LINGO2: variants seen among roughly 807,000 people sequenced by gnomAD.
LINGO2 encodes leucine rich repeat and Ig domain containing 2, also known as leucine-rich repeat and immunoglobulin-like domain-containing nogo receptor-interacting protein 2.
A neutral mutation model predicts 30.6 loss-of-function variants in LINGO2; 14 were observed. That is an observed-to-expected ratio of 0.46 (90% confidence interval 0.30 to 0.72). LINGO2 has a LOEUF of 0.72. Ranked by LOEUF, LINGO2 falls within the 30% of genes least tolerant of loss-of-function variation. The pLI, the probability that LINGO2 is intolerant of heterozygous loss-of-function variation, is 0.07. For missense variants in LINGO2, 729 were observed against 751.7 expected (o/e 0.97, Z 0.35); for synonymous variants, 317 against 288.5 (o/e 1.10, Z -1.00).
chr9:28,650,602 T>A (rs1828052584), intron 1 of LINGO2, among the ~76,000 whole-genome samples: 1 of 152,162 alleles, frequency 6.6e-6, no homozygotes, highest in African/African-American at 2.4e-5. Flanking sequence ...TCTTTGTGCT[T>A]CTGACCTCTC....
chr9:28,791,026 T>C, the LINGO2 span, among the ~76,000 whole-genome samples: 2 of 152,242 alleles, frequency 1.3e-5, no homozygotes, highest in South Asian at 4.1e-4. Flanking sequence ...TTTTAAAACA[T>C]TATTTGAGAA....
At chr9:28,629,421 C>T (rs1225658892) in intron 1 of LINGO2, among the ~76,000 whole-genome samples, 1 of 151,958 alleles carries the variant, frequency 6.6e-6, no homozygotes, top group African/African-American at 2.4e-5. Context: ...CCTCTTGTTT[C>T]CCCCAAAAAC....
intron 4 of LINGO2, among the ~76,000 whole-genome samples, chr9:28,218,774 C>T (rs1480207861): frequency 2.0e-5 from 3 of 152,144 alleles, no homozygotes; most frequent in Non-Finnish European, 4.4e-5. Flanking sequence ...CTGCCCTGGG[C>T]ATTGGGTGAA....
intron 4 of LINGO2, among the ~76,000 whole-genome samples, chr9:28,120,100 T>G (rs1166576412): frequency 1.3e-5 from 2 of 152,150 alleles, no homozygotes; most frequent in Non-Finnish European, 2.9e-5. Context: ...ACAAGTAAAT[T>G]TCCTCTAAAA....
intron 4 of LINGO2, among the ~76,000 whole-genome samples, chr9:28,251,605 G>A (rs1316239997): frequency 6.6e-6 from 1 of 150,720 alleles, no homozygotes; most frequent in Middle Eastern, 3.2e-3. Flanking sequence ...GTCTGTGGTG[G>A]GCATCACATT....
intron 5 of LINGO2, among the ~76,000 whole-genome samples, chr9:28,010,661 A>G (rs934797620): frequency 6.6e-6 from 1 of 152,204 alleles, no homozygotes; most frequent in Admixed American, 6.5e-5. Flanking sequence ...TTTTAAAATC[A>G]ATCAAGGCTG....
intron 4 of LINGO2, among the ~76,000 whole-genome samples, chr9:28,065,233 A>G (rs1490585681): frequency 6.6e-6 from 1 of 151,862 alleles, no homozygotes; most frequent in African/African-American, 2.4e-5. Flanking sequence ...AAGATCAATC[A>G]ATTTTTATAA....
chr9:27,982,227 C>A (rs566246056), intron 5 of LINGO2, among the ~76,000 whole-genome samples: 2 of 151,904 alleles, frequency 1.3e-5, no homozygotes, highest in African/African-American at 4.8e-5. Flanking sequence ...GGGACCCTTT[C>A]CCCAAATGGA....
the LINGO2 span, among the ~76,000 whole-genome samples, chr9:28,856,116 C>T: frequency 6.6e-6 from 1 of 151,864 alleles, no homozygotes; most frequent in Non-Finnish European, 1.5e-5. Context: ...ACAGTTGCTT[C>T]AACGAATAGG....
chr9:29,106,867 A>T, the LINGO2 span, among the ~76,000 whole-genome samples: 3 of 152,288 alleles, frequency 2.0e-5, no homozygotes, highest in East Asian at 5.8e-4. Flanking sequence ...TGATGGATAC[A>T]CACACAAATT....
At chr9:28,213,686 G>A (rs1820670787) in intron 4 of LINGO2, among the ~76,000 whole-genome samples, 1 of 150,988 alleles carries the variant, frequency 6.6e-6, no homozygotes, top group South Asian at 2.1e-4. Context: ...GGTCACTTAT[G>A]AAATACTTAA....
Position 28,479,918 on chromosome 9 carries a change from T to C in LINGO2, c.-364-3893A>G, listed in dbSNP as rs1476146789. The stretch of plus-strand genomic sequence containing the variant: ...ATGTGTATATATACGTAGGTATATA[T>C]ATATATATATATATATATATATATA... On this transcript the variant is annotated intron_variant, in intron 1 of 5. Coordinates refer to ENST00000379992, the Ensembl canonical transcript of LINGO2. Among the ~76,000 whole-genome samples, 2 of 55,360 alleles carry C rather than the reference T, an allele frequency of 3.6e-5. 1 individual carries two copies. The highest frequency in any genetic ancestry group is 7.4e-5 in the Non-Finnish European group (2 of 27,092). The allele number at this position is 55,360 out of a possible 152,430, so 36.3% of individuals were successfully genotyped here.
At chr9:28,847,641 TTGCAC>T in the LINGO2 span, among the ~76,000 whole-genome samples, 1 of 144,660 alleles carries the variant, frequency 6.9e-6, no homozygotes, top group Non-Finnish European at 1.5e-5. Context: ...AATGAGTCCA[TTGCAC>T]ATTATTCCTT....
chr9:28,192,819 G>A (rs779200806), intron 4 of LINGO2, among the ~76,000 whole-genome samples: 4 of 152,054 alleles, frequency 2.6e-5, no homozygotes, highest in African/African-American at 4.8e-5. Flanking sequence ...AATATTTGAT[G>A]TAGGTGTTAG....
At chr9:28,599,321 T>A (rs1480543031) in intron 1 of LINGO2, 2 of 152,140 alleles carry the variant, frequency 1.3e-5, no homozygotes, top group African/African-American at 4.8e-5. Context: ...TCTTGCAGAG[T>A]TAGAGTATAA....
chr9:29,172,519 T>C, the LINGO2 span, among the ~76,000 whole-genome samples: 2 of 151,956 alleles, frequency 1.3e-5, no homozygotes, highest in African/African-American at 4.8e-5. Context: ...TATCATGAAA[T>C]GATTAGGTTT....
chr9:28,549,109 T>C (rs1307897168), intron 1 of LINGO2, among the ~76,000 whole-genome samples: 2 of 152,106 alleles, frequency 1.3e-5, no homozygotes, highest in Admixed American at 6.6e-5. Flanking sequence ...AATAAAACCA[T>C]TATTTTCTCT....
chr9:28,727,813 C>A, the LINGO2 span, among the ~76,000 whole-genome samples: 1 of 152,098 alleles, frequency 6.6e-6, no homozygotes, highest in South Asian at 2.1e-4. Flanking sequence ...CAGATGTGGA[C>A]CAAGAGAGAA....
At chr9:28,176,347 T>C (rs1380843339) in intron 4 of LINGO2, among the ~76,000 whole-genome samples, 1 of 152,230 alleles carries the variant, frequency 6.6e-6, no homozygotes, top group Non-Finnish European at 1.5e-5. Flanking sequence ...CTTTTTGCCC[T>C]GAATTAAATG....
Sources: gnomAD v4.1 joint callset for allele counts (sites outside exome capture counted in the v4.1 genomes callset) on GRCh38, gnomAD v4.1.1 for gene constraint, MANE v1.5 for transcripts, NCBI Gene and HGNC (gene_info 2026-07-23, HGNC 2026-07-21) for gene names.